The following MECOM variants were observed in gnomAD, a reference collection of about 807,000 sequenced individuals.
MECOM encodes the protein MDS1 and EVI1 complex locus, also known as histone-lysine N-methyltransferase MECOM.
A neutral mutation model predicts 116.3 loss-of-function variants in MECOM; 13 were observed. The ratio of observed to expected loss-of-function variants is 0.11; its 90% CI spans 0.07 to 0.18. MECOM has a LOEUF of 0.18. MECOM is among the 10% of genes least tolerant of loss of function. The probability of loss-of-function intolerance (pLI) is 1.00; values close to 1 mark genes in which losing one functional copy is unlikely to be tolerated. For synonymous variants in MECOM, 528 were observed against 535.2 expected (o/e 0.99, Z 0.19); for missense variants, 1,299 against 1,509.0 (o/e 0.86, Z 2.31).
At chr3:169,575,134 C>T (rs538113761) in intron 1 of MECOM, among the ~76,000 whole-genome samples, 1 of 152,248 alleles carries the variant, frequency 6.6e-6, no homozygotes, top group East Asian at 1.9e-4. Context: ...TAATTTATGT[C>T]CTCACAAAAA....
chr3:169,500,738 A>G (rs1461884291), intron 1 of MECOM, among the ~76,000 whole-genome samples: 1 of 152,002 alleles, frequency 6.6e-6, no homozygotes, highest in Admixed American at 6.6e-5. Context: ...AATTCTTCTA[A>G]TACAAAAGTA....
chr3:169,254,642 GT>G (rs1261526387), intron 2 of MECOM, among the ~76,000 whole-genome samples: 6 of 151,926 alleles, frequency 3.9e-5, no homozygotes, highest in Non-Finnish European at 5.9e-5. Context: ...ATTTGACATT[GT>G]TTTCAACAAG....
At chr3:169,408,103 CTG>C (rs1385898905) in intron 1 of MECOM, among the ~76,000 whole-genome samples, 3 of 152,154 alleles carry the variant, frequency 2.0e-5, no homozygotes, top group Non-Finnish European at 2.9e-5. Flanking sequence ...TCTCCAAAAA[CTG>C]TACAAAATAG....
In MECOM at chr3:169,538,785, A is replaced by G. The variant is rs534734464; in HGVS notation, c.37+124551T>C. ...ACTAACTACTGGTGAGTGCAGTGAC[A>G]TTAATCAGTTGGTGGTGCTTGAAAC... On this transcript the variant is annotated intron_variant, in intron 1 of 16. Coordinates refer to ENST00000651503, the MANE Select transcript of MECOM (RefSeq NM_004991.4). Among the ~76,000 whole-genome samples, 77 of 152,332 alleles carry G rather than the reference A, an allele frequency of 5.1e-4. No homozygotes were observed. In the Middle Eastern group the frequency reaches 0.01, roughly 20 times the overall value.
At chr3:169,621,196 T>C (rs1321461034) in intron 1 of MECOM, among the ~76,000 whole-genome samples, 1 of 152,236 alleles carries the variant, frequency 6.6e-6, no homozygotes, top group Non-Finnish European at 1.5e-5. Context: ...AATTTGAAAC[T>C]TTGCTCTATT....
At position 169,381,204 on chromosome 3, in the gene MECOM, G is replaced by A. The variant is rs7622799; in HGVS notation, c.358C>T (p.Pro120Ser). Residue 120 changes from proline (P) to serine (S), a missense_variant, in exon 2 of 17, where the codon CCC (proline) becomes TCC (serine). This residue lies in a region of MECOM where 374 missense variants were observed against 433.4 expected (regional missense o/e 0.86). Transcript: ENST00000651503. The part of the protein sequence containing the change: ...VGEQRSNLKD[P>S]SYGWEILDEF... ...ATTCTTACCTCCCATCCATAACTGG[G>A]GTCTTTCAGGTTTGACCTCTGCTCT... 193,218 of 1,605,386 alleles carry A rather than the reference G, an allele frequency of 0.12. 13,153 individuals are homozygous for A. The highest frequency in any genetic ancestry group is 0.29 in the Admixed American group (17,495 of 59,756).
intron 1 of MECOM, among the ~76,000 whole-genome samples, chr3:169,612,571 T>C (rs2109830362): frequency 6.6e-6 from 1 of 152,220 alleles, no homozygotes; most frequent in East Asian, 1.9e-4. Flanking sequence ...CCAAATGCTG[T>C]TTTATAAGAG....
Position 169,143,777 on chromosome 3 carries a change from A to G in MECOM, c.431T>C (p.Val144Ala). ...TCTAATGTACTTGAGCCAGCTTCCA[A>G]CATCTGGTTGACTGGCATCTATGCA... ...KFCIDASQPD[V>A]GSWLKYIRFA... The change falls in exon 3 of 17, where the codon GTT becomes GCT. Residue 144 changes from valine to alanine, a missense_variant. Physicochemically the swap from Val to Ala is moderately conservative, Grantham distance 64. This residue lies in a region of MECOM where 374 missense variants were observed against 433.4 expected (regional missense o/e 0.86). Coordinates refer to ENST00000651503, the MANE Select transcript of MECOM (RefSeq NM_004991.4). 1 of 1,611,818 alleles carries G rather than the reference A, an allele frequency of 6.2e-7. No homozygotes were observed. The highest frequency in any genetic ancestry group is 8.5e-7 in the Non-Finnish European group (1 of 1,178,926).
chr3:169,568,953 C>T (rs929157609), intron 1 of MECOM, among the ~76,000 whole-genome samples: 4 of 152,104 alleles, frequency 2.6e-5, no homozygotes, highest in African/African-American at 7.2e-5. Context: ...AAATAACCAG[C>T]TAGCATCATA....
chr3:169,633,083 T>A (rs1369947150), intron 1 of MECOM, among the ~76,000 whole-genome samples: 1 of 152,222 alleles, frequency 6.6e-6, no homozygotes, highest in Non-Finnish European at 1.5e-5. Flanking sequence ...AAAGCAACAC[T>A]GAATCCTGTG....
At chr3:169,186,410 G>A (rs10084730) in intron 2 of MECOM, among the ~76,000 whole-genome samples, 8,469 of 109,614 alleles carry the variant, frequency 0.077, 380 homozygotes, top group South Asian at 0.14. Flanking sequence ...GGGAGGGAGG[G>A]AGGGAGGGAG....
intron 2 of MECOM, among the ~76,000 whole-genome samples, chr3:169,264,820 C>T (rs1000118227): frequency 2.0e-5 from 3 of 152,018 alleles, no homozygotes; most frequent in Non-Finnish European, 4.4e-5. Context: ...CTGTAGAGAC[C>T]CACCCTCATC....
At chr3:169,302,926 A>G (rs1309247410) in intron 2 of MECOM, among the ~76,000 whole-genome samples, 2 of 152,216 alleles carry the variant, frequency 1.3e-5, no homozygotes, top group African/African-American at 4.8e-5. Flanking sequence ...TAAAAGATTA[A>G]CAACAAAGAA....
At chr3:169,271,993 C>G (rs964286941) in intron 2 of MECOM, among the ~76,000 whole-genome samples, 1 of 152,124 alleles carries the variant, frequency 6.6e-6, no homozygotes, top group African/African-American at 2.4e-5. Context: ...TTCTGTTCAC[C>G]ACACATTAAC....
chr3:169,566,298 G>A (rs1763235612), intron 1 of MECOM, among the ~76,000 whole-genome samples: 1 of 152,138 alleles, frequency 6.6e-6, no homozygotes, highest in East Asian at 1.9e-4. Flanking sequence ...GAAGACTGTG[G>A]AAAGAGGTAC....
At chr3:169,515,430 A>G (rs891900421) in intron 1 of MECOM, among the ~76,000 whole-genome samples, 3 of 152,208 alleles carry the variant, frequency 2.0e-5, no homozygotes, top group African/African-American at 7.2e-5. Context: ...AAATATTATT[A>G]TCACCATTTT....
chr3:169,123,592 G>A (rs1017014911), intron 5 of MECOM, among the ~76,000 whole-genome samples: 2 of 152,042 alleles, frequency 1.3e-5, no homozygotes, highest in Non-Finnish European at 2.9e-5. Context: ...GATAGAAGAT[G>A]TCTGCAACAC....
intron 1 of MECOM, among the ~76,000 whole-genome samples, chr3:169,453,042 G>A (rs77270651): frequency 0.045 from 6,786 of 152,118 alleles, 364 homozygotes; most frequent in African/African-American, 0.13. Context: ...GAATGGAATG[G>A]GAAATAGTAA....
At chr3:169,208,378 A>G (rs1014570888) in intron 2 of MECOM, among the ~76,000 whole-genome samples, 3 of 150,678 alleles carry the variant, frequency 2.0e-5, no homozygotes, top group East Asian at 3.9e-4. Context: ...TTGTGGTACA[A>G]TTTGTGTGAA....
Sources: gnomAD v4.1 joint callset for allele counts (sites outside exome capture counted in the v4.1 genomes callset) on GRCh38, gnomAD v4.1.1 for gene constraint, gnomAD v4.1.1 regional missense constraint, MANE v1.5 for transcripts, NCBI Gene and HGNC (gene_info 2026-07-23, HGNC 2026-07-21) for gene names.